Variants in SYT14 observed in about 807,000 individuals in gnomAD.
SYT14 encodes synaptotagmin 14, also known as synaptotagmin-14.
In SYT14, 32 loss-of-function variants were observed where a neutral mutation model predicts 74.2. The observed-to-expected ratio is 0.43, with a 90% CI of 0.33 to 0.58. The LOEUF is 0.58. Ranked by LOEUF, SYT14 falls within the 20% of genes least tolerant of loss-of-function variation. The pLI is 0.05. For missense variants in SYT14, 791 were observed against 981.8 expected (o/e 0.81, Z 2.60); for synonymous variants, 298 against 337.7 (o/e 0.88, Z 1.29).
At chr1:210,021,837 G>C (rs2080310152) in intron 5 of SYT14, among the ~76,000 whole-genome samples, 1 of 152,112 alleles carries the variant, frequency 6.6e-6, no homozygotes, top group African/African-American at 2.4e-5. Context: ...GTAATTTGAA[G>C]GATTATTTGT....
intron 5 of SYT14, among the ~76,000 whole-genome samples, chr1:210,075,659 G>A (rs919436596): frequency 1.3e-5 from 2 of 152,074 alleles, no homozygotes; most frequent in Non-Finnish European, 1.5e-5. Flanking sequence ...ATAGGCACAG[G>A]ATGGGGGCGT....
chr1:210,035,426 C>A (rs1228535654), intron 5 of SYT14, among the ~76,000 whole-genome samples: 1 of 151,350 alleles, frequency 6.6e-6, no homozygotes, highest in Non-Finnish European at 1.5e-5. Context: ...TTATATAGTC[C>A]CATTTGTCTA....
intron 2 of SYT14, among the ~76,000 whole-genome samples, chr1:209,995,929 A>G (rs2079781845): frequency 6.6e-6 from 1 of 152,144 alleles, no homozygotes; most frequent in Non-Finnish European, 1.5e-5. Flanking sequence ...TTTGAAATTA[A>G]TGAAAATGGA....
intron 7 of SYT14, among the ~76,000 whole-genome samples, chr1:210,143,459 T>G (rs148716779): frequency 2.0e-5 from 3 of 152,188 alleles, no homozygotes; most frequent in African/African-American, 7.2e-5. Context: ...TATTACACAG[T>G]TGGGAGTATA....
chr1:209,956,060 A>G (rs1215628289), intron 2 of SYT14, among the ~76,000 whole-genome samples: 1 of 152,098 alleles, frequency 6.6e-6, no homozygotes, highest in Non-Finnish European at 1.5e-5. Flanking sequence ...CTTCTTTCAG[A>G]TTGTAAGCAC....
intron 7 of SYT14, among the ~76,000 whole-genome samples, chr1:210,102,309 T>C (rs2082082567): frequency 6.6e-6 from 1 of 152,148 alleles, no homozygotes; most frequent in Non-Finnish European, 1.5e-5. Flanking sequence ...AGATGTAACA[T>C]TTATATTTGA....
intron 5 of SYT14, among the ~76,000 whole-genome samples, chr1:210,024,366 T>C (rs1285459602): frequency 6.6e-6 from 1 of 152,022 alleles, no homozygotes; most frequent in Non-Finnish European, 1.5e-5. Context: ...TAAAGGAAGA[T>C]AGGAGAGAGA....
Position 209,970,662 on chromosome 1 carries a change from C to CTTTTTTTTTTTTTTT in SYT14, c.-486+17931_-486+17945dup, listed in dbSNP as rs35639848. Among the ~76,000 whole-genome samples the CTTTTTTTTTTTTTTT allele has an allele frequency of 1.4e-4, 9 of 62,810 alleles. 1 individual carries two copies. Among genetic ancestry groups the CTTTTTTTTTTTTTTT allele is most frequent in the Admixed American group, 4.5e-4 (2 of 4,396 alleles). The allele number at this position is 62,810 out of a possible 152,430, so 41.2% of individuals were successfully genotyped here. On this transcript the variant is annotated intron_variant, in intron 2 of 9. Coordinates refer to ENST00000637265, the Ensembl canonical transcript of SYT14. ...TTACAGATTGCTTTGGGCAGTATGG[C>CTTTTTTTTTTTTTTT]TTTTTTTTTTTTTTTTTTTTTTTTT...
intron 2 of SYT14, among the ~76,000 whole-genome samples, chr1:209,961,669 C>T (rs1406246195): frequency 1.3e-5 from 2 of 151,912 alleles, no homozygotes; most frequent in Non-Finnish European, 2.9e-5. Flanking sequence ...TATTATCTTA[C>T]TGAAGAAGGT....
Position 210,025,676 on chromosome 1 carries a change from A to T in SYT14, c.1312+4422A>T, listed in dbSNP as rs530994050. Among the ~76,000 whole-genome samples, 216 of 152,216 alleles carry T rather than the reference A, an allele frequency of 1.4e-3. 1 individual carries two copies. The highest frequency in any genetic ancestry group is 4.8e-3 in the African/African-American group (200 of 41,544). On this transcript the variant is annotated intron_variant, in intron 5 of 9. Transcript: ENST00000637265. ...AGGTATTAGGAGAGACCAGTGCAAG[A>T]GAACTTTTACCAGGTAGCGAGTACT...
At chr1:210,165,744 T>C (rs1011002937) in exon 10 of SYT14, 1 of 152,248 alleles carries the variant, frequency 6.6e-6, no homozygotes, top group South Asian at 2.1e-4. Context: ...GCCTTGTTAG[T>C]ATCTTTCTGT....
intron 7 of SYT14, among the ~76,000 whole-genome samples, chr1:210,143,815 G>T (rs1055901688): frequency 3.3e-5 from 5 of 152,146 alleles, no homozygotes; most frequent in African/African-American, 9.6e-5. Context: ...ACTCAAAAAA[G>T]TAAGGCAGAG....
intron 2 of SYT14, among the ~76,000 whole-genome samples, chr1:210,007,667 CT>C (rs2080013977): frequency 1.3e-5 from 2 of 151,986 alleles, no homozygotes; most frequent in South Asian, 4.2e-4. Context: ...ATATAGTGAG[CT>C]ATGTTACTTT....
chr1:210,163,974 A>G, exon 10 of SYT14: 1 of 452,640 alleles, frequency 2.2e-6, no homozygotes, highest in South Asian at 1.6e-5. Context: ...TAATAAAATG[A>G]TATAGTCCAA....
intron 7 of SYT14, among the ~76,000 whole-genome samples, chr1:210,113,131 G>C (rs923053894): frequency 2.0e-5 from 3 of 151,270 alleles, no homozygotes; most frequent in Non-Finnish European, 4.4e-5. Context: ...GCGTGGTCCC[G>C]GCTCTTGTGT....
intron 1 of SYT14, among the ~76,000 whole-genome samples, chr1:209,950,500 A>G (rs535709861): frequency 6.6e-6 from 1 of 152,218 alleles, no homozygotes; most frequent in Non-Finnish European, 1.5e-5. Flanking sequence ...TATTTTTCAC[A>G]CTGGGGTTTT....
At chr1:210,081,940 T>G (rs903434730) in intron 5 of SYT14, among the ~76,000 whole-genome samples, 4 of 152,210 alleles carry the variant, frequency 2.6e-5, no homozygotes, top group Non-Finnish European at 5.9e-5. Flanking sequence ...ATTAGATTCA[T>G]TTGGAAAAAA....
chr1:210,139,265 C>CTT lies in SYT14; in HGVS notation c.2035-16435_2035-16434dup, dbSNP rs960923188. 5.0e-3 allele frequency among the ~76,000 whole-genome samples: 480 copies of CTT among 95,796 alleles called. 3 individuals are homozygous for CTT. The highest frequency in any genetic ancestry group is 7.6e-3 in the Admixed American group (58 of 7,588). 62.8% of individuals were successfully genotyped at this position (95,796 alleles called of 152,430 possible). On this transcript the variant is annotated intron_variant, in intron 7 of 9. Transcript: ENST00000637265. ...CCAGGCCTGGCTAATTTTCTTTTTT[C>CTT]TTTTTTTTTTTTTTTTTTTTTTGAT...
chr1:210,156,149 A>G (rs2083263650), intron 8 of SYT14, among the ~76,000 whole-genome samples: 1 of 152,190 alleles, frequency 6.6e-6, no homozygotes, highest in South Asian at 2.1e-4. Context: ...AAAATAAATT[A>G]TCTCTATCAT....
Sources: allele counts gnomAD v4.1 joint callset (sites outside exome capture counted in the v4.1 genomes callset), GRCh38; gene constraint gnomAD v4.1.1; transcripts MANE v1.5; gene names NCBI Gene and HGNC (gene_info 2026-07-23, HGNC 2026-07-21).